Variants in SGPP1 observed in about 807,000 individuals in gnomAD.
SGPP1 encodes the protein hSPP1.
A neutral mutation model predicts 33.0 loss-of-function variants in SGPP1; 21 were observed. The ratio of observed to expected loss-of-function variants is 0.64; its 90% CI spans 0.45 to 0.92. The LOEUF is 0.92. Among genes scored for constraint, SGPP1 ranks in the 40% least tolerant of loss-of-function variants. The pLI is 0.00. For missense variants in SGPP1, 543 were observed against 589.4 expected (o/e 0.92, Z 0.81); for synonymous variants, 239 against 241.2 (o/e 0.99, Z 0.08).
intron 2 of SGPP1, among the ~76,000 whole-genome samples, chr14:63,690,852 A>T (rs1885079587): frequency 6.6e-6 from 1 of 152,130 alleles, no homozygotes; most frequent in East Asian, 1.9e-4. Context: ...CTGGGGTTAC[A>T]GGTGTGCGCC....
Position 63,684,927 on chromosome 14 carries a change from A to C in SGPP1, c.*1178T>G, listed in dbSNP as rs566867832. 6.6e-6 allele frequency: 1 copy of C among 152,514 alleles called. No individual in the cohort carries two copies. Among genetic ancestry groups the C allele is most frequent in the East Asian group, 1.9e-4 (1 of 5,192 alleles). 9.4% of individuals were successfully genotyped at this position (152,514 alleles called of 1,614,324 possible). A position where few individuals can be genotyped will look rare whatever the true frequency, so the allele number is the denominator to read the frequency against. Reference sequence around the variant, plus strand: ...GCCAATAAATGGGTATTAAAAGTTAACGGTGCTAAATCCAATCCTTTCCAA... The same window carrying C: ...GCCAATAAATGGGTATTAAAAGTTACCGGTGCTAAATCCAATCCTTTCCAA... On this transcript the variant is annotated 3_prime_UTR_variant, in exon 3 of 3. Transcript: ENST00000247225.
At chr14:63,712,917 C>CA (rs56797705) in intron 1 of SGPP1, among the ~76,000 whole-genome samples, 4,515 of 63,436 alleles carry the variant, frequency 0.071, 125 homozygotes, top group Middle Eastern at 0.14. Flanking sequence ...AACTCTGTCT[C>CA]AAAAAAAAAA....
In SGPP1 at chr14:63,728,016, C is replaced by G; in HGVS notation, c.-72G>C. 1 of 1,422,644 alleles carries G rather than the reference C, an allele frequency of 7.0e-7. No individual in the cohort carries two copies. Among genetic ancestry groups the G allele is most frequent in the Admixed American group, 2.8e-5 (1 of 35,826 alleles). 88.1% of individuals were successfully genotyped at this position (1,422,644 alleles called of 1,614,324 possible). ...GAACTGTCCCCGCGCTCCTGGCCAGCGGCAGCGGAACCGGCACAGCGCTCT... is the reference window on the plus strand; with the variant it reads ...GAACTGTCCCCGCGCTCCTGGCCAGGGGCAGCGGAACCGGCACAGCGCTCT... On this transcript the variant is annotated 5_prime_UTR_variant, in exon 1 of 3. Coordinates refer to ENST00000247225, the MANE Select transcript of SGPP1 (RefSeq NM_030791.4).
chr14:63,686,117 A>G lies in SGPP1; in HGVS notation c.1314T>C (p.Ile438=), dbSNP rs1350149042. 1 of 1,589,154 alleles carries G rather than the reference A, an allele frequency of 6.3e-7. No individual in the cohort carries two copies. The highest frequency in any genetic ancestry group is 2.2e-5 in the East Asian group (1 of 44,626). Residue 438 remains isoleucine (I), a synonymous_variant, in exon 3 of 3, where the codon ATT becomes ATC. Coordinates refer to ENST00000247225, the MANE Select transcript of SGPP1 (RefSeq NM_030791.4). ...CAATACTTCTCCATCAAGAGATACC[A>G]ATAAAGAAAAATATGTAAGGAACAA... The part of the protein sequence containing the change: ...TFFVPYIFFF[I]GIS
At chr14:63,709,731 G>T (rs953630424) in intron 1 of SGPP1, among the ~76,000 whole-genome samples, 1 of 152,012 alleles carries the variant, frequency 6.6e-6, no homozygotes, top group Non-Finnish European at 1.5e-5. Flanking sequence ...ACATAAAAAT[G>T]TAAAAATGTA....
rs559996674 is a variant in SGPP1 at position 63,684,636 on chromosome 14, C to T, written c.*1469G>A. On this transcript the variant is annotated 3_prime_UTR_variant, in exon 3 of 3. Coordinates refer to ENST00000247225, the MANE Select transcript of SGPP1 (RefSeq NM_030791.4). ...ATCTGAAGTGATAGTTCTGGATAAT[C>T]ATACAGATATTGCACTAAAATCAGT... The T allele has an allele frequency of 6.6e-5, 10 of 152,520 alleles. No homozygotes were observed. The highest frequency in any genetic ancestry group is 2.6e-4 in the Admixed American group (4 of 15,276). 9.4% of individuals were successfully genotyped at this position (152,520 alleles called of 1,614,324 possible).
At chr14:63,721,965 AAAT>A (rs1237712976) in intron 1 of SGPP1, among the ~76,000 whole-genome samples, 2 of 152,214 alleles carry the variant, frequency 1.3e-5, no homozygotes, top group African/African-American at 2.4e-5. Flanking sequence ...TATATTTCAA[AAAT>A]AATATTACTG....
chr14:63,699,725 GTTGT>G (rs1885257117), intron 1 of SGPP1, among the ~76,000 whole-genome samples: 1 of 140,208 alleles, frequency 7.1e-6, no homozygotes, highest in African/African-American at 3.2e-5. Flanking sequence ...TACAGGCAGA[GTTGT>G]TTTTTTTTTT....
At chr14:63,697,751 G>C (rs959105233) in intron 2 of SGPP1, among the ~76,000 whole-genome samples, 5 of 152,212 alleles carry the variant, frequency 3.3e-5, no homozygotes, top group African/African-American at 1.2e-4. Context: ...TTAAGGTAAA[G>C]AAAGTGAAAG....
chr14:63,688,637 T>C (rs987585512), intron 2 of SGPP1, among the ~76,000 whole-genome samples: 16 of 152,130 alleles, frequency 1.1e-4, no homozygotes, highest in African/African-American at 3.4e-4. Flanking sequence ...TCACCTCTGA[T>C]TTTTCTCTAA....
intron 1 of SGPP1, among the ~76,000 whole-genome samples, chr14:63,701,164 G>T (rs1190616264): frequency 6.6e-6 from 1 of 151,926 alleles, no homozygotes; most frequent in Admixed American, 6.6e-5. Context: ...AAAATATTTT[G>T]CAGAGACAGG....
chr14:63,715,887 C>T (rs1021250283), intron 1 of SGPP1, among the ~76,000 whole-genome samples: 2 of 152,090 alleles, frequency 1.3e-5, no homozygotes, highest in Non-Finnish European at 2.9e-5. Flanking sequence ...CAATTGCTTT[C>T]CCATCAAGCA....
At chr14:63,701,614 G>C (rs1885300969) in intron 1 of SGPP1, among the ~76,000 whole-genome samples, 1 of 152,080 alleles carries the variant, frequency 6.6e-6, no homozygotes, top group African/African-American at 2.4e-5. Context: ...GGCCATAGCA[G>C]AGAGAGCAAG....
At chr14:63,724,946 G>C (rs543502477) in intron 1 of SGPP1, among the ~76,000 whole-genome samples, 93 of 151,256 alleles carry the variant, frequency 6.1e-4, no homozygotes, top group African/African-American at 2.1e-3. Flanking sequence ...GAGCCCAGGA[G>C]TTCGAGACCA....
chr14:63,710,764 T>C (rs2139646631), intron 1 of SGPP1, among the ~76,000 whole-genome samples: 1 of 152,264 alleles, frequency 6.6e-6, no homozygotes, highest in South Asian at 2.1e-4. Context: ...AGGGACGAGA[T>C]CATGTAAAGA....
At chr14:63,688,804 C>A (rs1208731346) in intron 2 of SGPP1, among the ~76,000 whole-genome samples, 1 of 151,758 alleles carries the variant, frequency 6.6e-6, no homozygotes, top group East Asian at 1.9e-4. Flanking sequence ...TCTCTGCAAC[C>A]TCCGCCTCCC....
chr14:63,701,265 T>C (rs1182644385), intron 1 of SGPP1, among the ~76,000 whole-genome samples: 4 of 152,158 alleles, frequency 2.6e-5, no homozygotes, highest in Non-Finnish European at 4.4e-5. Flanking sequence ...ATGAGAGGCA[T>C]GAGCCACCAC....
chr14:63,695,803 C>T (rs181889246), intron 2 of SGPP1, among the ~76,000 whole-genome samples: 4 of 152,104 alleles, frequency 2.6e-5, no homozygotes, highest in Admixed American at 1.3e-4. Context: ...CCTAGACACC[C>T]GGGAGGGTAA....
In SGPP1 at chr14:63,722,458, G is replaced by A. The variant is rs543650740; in HGVS notation, c.684+4803C>T. 2.0e-5 allele frequency among the ~76,000 whole-genome samples: 3 copies of A among 151,558 alleles called. No individual in the cohort carries two copies. In the South Asian group the frequency reaches 6.2e-4, roughly 32 times the overall value. On this transcript the variant is annotated intron_variant, in intron 1 of 2. Coordinates refer to ENST00000247225, the MANE Select transcript of SGPP1 (RefSeq NM_030791.4). Reference sequence around the variant, plus strand: ...AAGTAGGAGAACTACTTGAACCCAGGAGGCAGAGGTTGCAGTGAGCCAATA... The same window carrying A: ...AAGTAGGAGAACTACTTGAACCCAGAAGGCAGAGGTTGCAGTGAGCCAATA...
Sources: gnomAD v4.1 joint callset for allele counts (sites outside exome capture counted in the v4.1 genomes callset) on GRCh38, gnomAD v4.1.1 for gene constraint, MANE v1.5 for transcripts, NCBI Gene and HGNC (gene_info 2026-07-23, HGNC 2026-07-21) for gene names.